CDK15: variants seen among roughly 807,000 people sequenced by gnomAD.
CDK15 encodes the protein cyclin-dependent kinase 15.
In CDK15, 62 loss-of-function variants were observed where a neutral mutation model predicts 60.3. That is an observed-to-expected ratio of 1.03 (90% CI 0.84 to 1.27). The LOEUF (loss-of-function observed/expected upper bound fraction) is 1.27, where lower values mean the gene tolerates loss of function less well. Ranked by LOEUF, CDK15 falls within the 50% of genes most tolerant of loss-of-function variation. CDK15 has a pLI of 0.00. For synonymous variants in CDK15, 194 were observed against 195.7 expected (o/e 0.99, Z 0.07); for missense variants, 541 against 527.8 (o/e 1.03, Z -0.25).
chr2:201,876,493 C>T (rs944512284), intron 11 of CDK15: 1 of 917,748 alleles, frequency 1.1e-6, no homozygotes, highest in Admixed American at 2.3e-5. Flanking sequence ...TTGGCTTGTA[C>T]AGGGGAGACC....
intron 3 of CDK15, among the ~76,000 whole-genome samples, chr2:201,810,631 T>G (rs572820457): frequency 3.3e-5 from 5 of 152,270 alleles, no homozygotes; most frequent in Admixed American, 1.3e-4. Context: ...ACAAATAATT[T>G]ATGTAGATAA....
chr2:201,839,740 G>A (rs181109062), intron 8 of CDK15, among the ~76,000 whole-genome samples: 1 of 152,238 alleles, frequency 6.6e-6, no homozygotes, highest in Admixed American at 6.5e-5. Flanking sequence ...GGCGATGGAT[G>A]AACCTGTTTG....
chr2:201,844,751 T>C lies in CDK15; in HGVS notation c.852-2630T>C, dbSNP rs546753271. 1.9e-3 allele frequency among the ~76,000 whole-genome samples: 283 copies of C among 151,536 alleles called. 1 individual carries two copies. The highest frequency in any genetic ancestry group is 6.6e-3 in the African/African-American group (273 of 41,314). On this transcript the variant is annotated intron_variant, in intron 8 of 13. Transcript: ENST00000652192. The stretch of plus-strand genomic sequence containing the variant: ...CAGGAGGATTGCTTGAGGTTTGGAG[T>C]TCAAGACCAGCCTGGGCAACACAGT...
At chr2:201,834,027 A>G (rs980190130) in intron 7 of CDK15, 56 bp downstream of exon 7, 17 of 1,588,478 alleles carry the variant, frequency 1.1e-5, no homozygotes, top group African/African-American at 1.4e-5. Context: ...TTTTGTGTGC[A>G]CTTGTTTAAG....
chr2:201,821,422 G>A (rs1392483080), intron 4 of CDK15, among the ~76,000 whole-genome samples: 1 of 152,014 alleles, frequency 6.6e-6, no homozygotes, highest in African/African-American at 2.4e-5. Flanking sequence ...GCTGTCAGGA[G>A]GGCAAAACGA....
intron 11 of CDK15, among the ~76,000 whole-genome samples, chr2:201,879,540 C>T (rs1699197950): frequency 6.6e-6 from 1 of 152,094 alleles, no homozygotes; most frequent in Admixed American, 6.6e-5. Flanking sequence ...CCACCACGCC[C>T]AGCTAATTTT....
At chr2:201,835,231 C>G (rs1030587387) in intron 7 of CDK15, among the ~76,000 whole-genome samples, 1 of 152,302 alleles carries the variant, frequency 6.6e-6, no homozygotes, top group African/African-American at 2.4e-5. Flanking sequence ...TTGGCCCAGG[C>G]TGCTTCTGTC....
intron 10 of CDK15, among the ~76,000 whole-genome samples, chr2:201,863,701 G>C (rs1574917141): frequency 6.6e-6 from 1 of 152,160 alleles, no homozygotes. Context: ...TTCGAGATCA[G>C]CCTGGCCAAC....
intron 8 of CDK15, among the ~76,000 whole-genome samples, chr2:201,836,092 TTA>T (rs1182916111): frequency 0.037 from 170 of 4,580 alleles, no homozygotes; most frequent in East Asian, 0.12. Flanking sequence ...ATTTATATAT[TTA>T]TATATATTTA....
chr2:201,823,504 CAGTG>C (rs1415738990), intron 5 of CDK15, among the ~76,000 whole-genome samples, 157 bp from the exon 6 acceptor site: 1 of 152,170 alleles, frequency 6.6e-6, no homozygotes, highest in African/African-American at 2.4e-5. Flanking sequence ...TTGACCTTAA[CAGTG>C]GGTTCTCAGA....
In CDK15 at chr2:201,844,492, A is replaced by T. The variant is rs532787959; in HGVS notation, c.852-2889A>T. ...GTATCTCTTGTTTTAAAGACAGGAG[A>T]CAAAAAGAACATGGATATTTAAATA... is the stretch of plus-strand genomic sequence containing the variant. On this transcript the variant is annotated intron_variant, in intron 8 of 13. Transcript: ENST00000652192. 3.9e-5 allele frequency among the ~76,000 whole-genome samples: 6 copies of T among 152,324 alleles called. No individual in the cohort carries two copies. In the East Asian group the frequency reaches 1.2e-3, roughly 29 times the overall value.
At chr2:201,860,769 T>A in intron 10 of CDK15, 3 of 1,352,148 alleles carry the variant, frequency 2.2e-6, no homozygotes, top group Non-Finnish European at 2.9e-6. Context: ...ATGGATGGCA[T>A]ACTGACATCG....
intron 10 of CDK15, among the ~76,000 whole-genome samples, chr2:201,865,655 C>T (rs918543826): frequency 1.3e-5 from 2 of 151,824 alleles, no homozygotes; most frequent in Non-Finnish European, 2.9e-5. Flanking sequence ...TTTGGGAGGC[C>T]GAGGCGGGTG....
At chr2:201,880,281 C>A in intron 12 of CDK15, 114 bp downstream of exon 12, 5 of 1,270,686 alleles carry the variant, frequency 3.9e-6, no homozygotes, top group Non-Finnish European at 5.4e-6. Context: ...AGCATTTACC[C>A]CCAGGAGTGA....
chr2:201,812,268 A>G (rs1695810953), intron 3 of CDK15, among the ~76,000 whole-genome samples: 1 of 152,014 alleles, frequency 6.6e-6, no homozygotes, highest in African/African-American at 2.4e-5. Flanking sequence ...ATGGACATAT[A>G]TATATATATC....
intron 10 of CDK15, among the ~76,000 whole-genome samples, chr2:201,868,288 A>G (rs1698712688): frequency 6.6e-6 from 1 of 152,214 alleles, no homozygotes. Flanking sequence ...TCACAACCCT[A>G]TGCAGTAGAA....
chr2:201,863,046 C>T (rs1430247726), intron 10 of CDK15, among the ~76,000 whole-genome samples: 1 of 152,160 alleles, frequency 6.6e-6, no homozygotes, highest in Non-Finnish European at 1.5e-5. Context: ...ATCTATGAAC[C>T]TCGATTGGGC....
intron 8 of CDK15, among the ~76,000 whole-genome samples, chr2:201,839,284 A>G (rs1453641774): frequency 2.0e-5 from 3 of 152,134 alleles, no homozygotes; most frequent in Non-Finnish European, 2.9e-5. Flanking sequence ...CATCAGATAA[A>G]CCTAGTTTAA....
In CDK15 at chr2:201,807,514, A is replaced by G. The variant is rs967874570; in HGVS notation, c.144A>G (p.Ala48=). 6.2e-7 allele frequency: 1 copy of G among 1,614,180 alleles called. No individual in the cohort carries two copies. The change falls in exon 2 of 14, where the codon GCA becomes GCG. Residue 48 remains alanine, a synonymous_variant. Transcript: ENST00000652192. Reference sequence around the variant, plus strand: ...TCTAGCTAACAGACCTAAAAGAAGCATCATGTTCCATGACTTCATTTCACC... The same window carrying G: ...TCTAGCTAACAGACCTAAAAGAAGCGTCATGTTCCATGACTTCATTTCACC... ...AAFKLTDLKE[A]SCSMTSFHPR...
Sources: gnomAD v4.1 joint callset for allele counts (sites outside exome capture counted in the v4.1 genomes callset) on GRCh38, gnomAD v4.1.1 for gene constraint, MANE v1.5 for transcripts, NCBI Gene and HGNC (gene_info 2026-07-23, HGNC 2026-07-21) for gene names.